The following EPB41L4B variants were observed in gnomAD, a reference collection of about 807,000 sequenced individuals.
EPB41L4B encodes erythrocyte membrane protein band 4.1 like 4B, also known as band 4.1-like protein 4B.
In EPB41L4B, 30 loss-of-function variants were observed where a neutral mutation model predicts 112.5. The observed-to-expected ratio is 0.27, with a 90% confidence interval of 0.20 to 0.36. EPB41L4B has a LOEUF of 0.36. Ranked by LOEUF, EPB41L4B falls within the 10% of genes least tolerant of loss-of-function variation. The pLI is 1.00. For missense variants in EPB41L4B, 1,024 were observed against 1,133.3 expected, an observed-to-expected ratio of 0.90 and a Z score of 1.38; for synonymous variants, 408 against 439.7, an observed-to-expected ratio of 0.93 and a Z score of 0.90.
chr9:109,232,000 C>CA (rs1554751198), intron 15 of EPB41L4B, among the ~76,000 whole-genome samples: 16 of 144,238 alleles, frequency 1.1e-4, no homozygotes, highest in African/African-American at 3.9e-4. Flanking sequence ...TTCTGGGTTT[C>CA]TTTTTTTTTT....
intron 20 of EPB41L4B, 144 bp from the exon 21 acceptor site, chr9:109,194,541 G>T: frequency 2.3e-6 from 2 of 858,172 alleles, no homozygotes; most frequent in Non-Finnish European, 3.5e-6. Context: ...TGTCCAGCTT[G>T]CAGGATCCAA....
intron 1 of EPB41L4B, among the ~76,000 whole-genome samples, chr9:109,314,226 A>AC (rs1770198763): frequency 6.6e-6 from 1 of 152,234 alleles, no homozygotes; most frequent in Non-Finnish European, 1.5e-5. Flanking sequence ...AGGATGGAAC[A>AC]CGTGTTTTGA....
chr9:109,177,842 A>G (rs145903997), intron 24 of EPB41L4B, among the ~76,000 whole-genome samples: 1,832 of 151,518 alleles, frequency 0.012, 13 homozygotes, highest in Middle Eastern at 0.035. Context: ...AAAGTAGATC[A>G]ATGAAGAAAT....
At chr9:109,243,442 T>C (rs1834425740) in intron 15 of EPB41L4B, among the ~76,000 whole-genome samples, 176 bp downstream of exon 15, 1 of 152,176 alleles carries the variant, frequency 6.6e-6, no homozygotes, top group African/African-American at 2.4e-5. Flanking sequence ...CTTTGATACA[T>C]CCACACACAT....
chr9:109,251,585 G>A (rs1834790280), intron 12 of EPB41L4B, 74 bp from the exon 13 acceptor site: 7 of 1,347,900 alleles, frequency 5.2e-6, no homozygotes, highest in Non-Finnish European at 7.5e-6. Context: ...ACAGATAATG[G>A]CCATGCGAGA....
intron 19 of EPB41L4B, among the ~76,000 whole-genome samples, chr9:109,201,943 G>A (rs1452073227): frequency 2.0e-5 from 3 of 152,200 alleles, no homozygotes; most frequent in Non-Finnish European, 4.4e-5. Flanking sequence ...AGGACCAGGT[G>A]AAAGGGAGGA....
At chr9:109,174,883 T>G (rs867721169) in intron 25 of EPB41L4B, among the ~76,000 whole-genome samples, 63 of 151,606 alleles carry the variant, frequency 4.2e-4, no homozygotes, top group African/African-American at 1.5e-3. Flanking sequence ...TTGCGCAGTA[T>G]CTGGTGCATG....
At chr9:109,191,959 T>G (rs917493034) in intron 22 of EPB41L4B, among the ~76,000 whole-genome samples, 2 of 152,118 alleles carry the variant, frequency 1.3e-5, no homozygotes, top group African/African-American at 4.8e-5. Context: ...CGGGTGGGCA[T>G]GCAGGGCGCA....
chr9:109,271,940 T>C lies in EPB41L4B; in HGVS notation c.412-3507A>G, dbSNP rs186870442. Among the ~76,000 whole-genome samples the C allele has an allele frequency of 5.7e-4, 87 of 152,338 alleles. 1 individual carries two copies. Among genetic ancestry groups the C allele is most frequent in the African/African-American group, 1.9e-3 (81 of 41,586 alleles). On this transcript the variant is annotated intron_variant, in intron 2 of 25. Coordinates refer to ENST00000374566, the MANE Select transcript of EPB41L4B (RefSeq NM_019114.5). Reference sequence around the variant, plus strand: ...TCTTGGCAAGGCCCATCTGTTCCAATAGTACATCAATTCTGGAAATATGAC... The same window carrying C: ...TCTTGGCAAGGCCCATCTGTTCCAACAGTACATCAATTCTGGAAATATGAC...
Position 109,320,270 on chromosome 9 carries a change from G to C in EPB41L4B, c.177C>G (p.Phe59Leu), listed in dbSNP as rs576930130. 1.0e-4 allele frequency: 119 copies of C among 1,189,776 alleles called. No individual in the cohort carries two copies. The African/African-American group carries it at 1.8e-3, about 18-fold the overall frequency. 73.7% of individuals were successfully genotyped at this position (1,189,776 alleles called of 1,614,324 possible). ...ALPAAPGGSV[F>L]PAGGGPLLTG... ...TGAGCAGGGGCCCGCCGCCCGCCGGGAACACGCTGCCCCCGGGCGCGGCGG... is the reference window on the plus strand; with the variant it reads ...TGAGCAGGGGCCCGCCGCCCGCCGGCAACACGCTGCCCCCGGGCGCGGCGG... The change falls in exon 1 of 26, where the codon TTC (phenylalanine) becomes TTG (leucine). Residue 59 changes from phenylalanine to leucine, a missense_variant. Physicochemically the swap from Phe to Leu is conservative, Grantham distance 22 (BLOSUM62 0). Transcript: ENST00000374566.
rs1835443226 is a variant in EPB41L4B at position 109,267,314 on chromosome 9, T to C, written c.533+159A>G. ...ATGTCAAATTAAGCAAAGTTGTGGATTTTTAACGGAACACGGAAGCACCGG... is the reference window on the plus strand; with the variant it reads ...ATGTCAAATTAAGCAAAGTTGTGGACTTTTAACGGAACACGGAAGCACCGG... On this transcript the variant is annotated intron_variant, in intron 4 of 25. Transcript: ENST00000374566. Among the ~76,000 whole-genome samples, 2 of 152,234 alleles carry C rather than the reference T, an allele frequency of 1.3e-5. 1 individual carries two copies. The highest frequency in any genetic ancestry group is 2.9e-5 in the Non-Finnish European group (2 of 68,050).
chr9:109,269,487 C>T (rs532110921), intron 2 of EPB41L4B, among the ~76,000 whole-genome samples: 1 of 152,278 alleles, frequency 6.6e-6, no homozygotes, highest in Non-Finnish European at 1.5e-5. Flanking sequence ...CTACTGAGCC[C>T]TTCTGTGCAG....
intron 15 of EPB41L4B, among the ~76,000 whole-genome samples, chr9:109,217,611 G>A (rs996805217): frequency 6.6e-6 from 1 of 152,264 alleles, no homozygotes; most frequent in Non-Finnish European, 1.5e-5. Context: ...TTGCTGTGTT[G>A]CCCAGGCTGG....
intron 2 of EPB41L4B, among the ~76,000 whole-genome samples, chr9:109,277,505 A>G (rs561498517): frequency 7.2e-5 from 11 of 152,206 alleles, no homozygotes; most frequent in African/African-American, 1.4e-4. Context: ...CCAAGAGTCA[A>G]TCTGGGGCTA....
At chr9:109,288,594 GCACC>G (rs2119170286) in intron 1 of EPB41L4B, among the ~76,000 whole-genome samples, 1 of 151,644 alleles carries the variant, frequency 6.6e-6, no homozygotes, top group East Asian at 1.9e-4. Context: ...GTTGTGGCGG[GCACC>G]TGTAGTCCCA....
At chr9:109,178,331 TTATTA>T in intron 24 of EPB41L4B, among the ~76,000 whole-genome samples, 1 of 152,206 alleles carries the variant, frequency 6.6e-6, no homozygotes, top group South Asian at 2.1e-4. Flanking sequence ...TTGGAGAAAC[TTATTA>T]CATGAGTTTC....
chr9:109,313,385 G>A (rs1837492944), intron 1 of EPB41L4B, among the ~76,000 whole-genome samples: 1 of 152,140 alleles, frequency 6.6e-6, no homozygotes, highest in Admixed American at 6.5e-5. Context: ...TCTAGAGAGA[G>A]GCCACAGAGG....
intron 1 of EPB41L4B, among the ~76,000 whole-genome samples, chr9:109,311,536 C>T (rs1023595320): frequency 1.3e-5 from 2 of 152,208 alleles, no homozygotes; most frequent in African/African-American, 4.8e-5. Flanking sequence ...ATATCATCTT[C>T]CAGTTCTTGG....
At chr9:109,227,643 G>A (rs928464248) in intron 15 of EPB41L4B, among the ~76,000 whole-genome samples, 65 of 151,724 alleles carry the variant, frequency 4.3e-4, no homozygotes, top group African/African-American at 1.3e-3. Flanking sequence ...GTGCAGTGGC[G>A]TGATCTCGGC....
Sources: allele counts gnomAD v4.1 joint callset (sites outside exome capture counted in the v4.1 genomes callset), GRCh38; gene constraint gnomAD v4.1.1; transcripts MANE v1.5; gene names NCBI Gene and HGNC (gene_info 2026-07-23, HGNC 2026-07-21).